Variants in SLC35F3 observed in about 807,000 individuals in gnomAD.
The protein encoded by SLC35F3 is solute carrier family 35 member F3.
SLC35F3 carries 25 observed loss-of-function variants against 49.9 expected under a neutral mutation model. That is an observed-to-expected ratio of 0.50 (90% CI 0.37 to 0.70). SLC35F3 has a LOEUF of 0.70. Among genes scored for constraint, SLC35F3 ranks in the 30% least tolerant of loss-of-function variants. SLC35F3 has a pLI of 0.00. For synonymous variants in SLC35F3, 275 were observed against 265.4 expected (o/e 1.04, Z -0.35); for missense variants, 525 against 639.8 (o/e 0.82, Z 1.94).
intron 2 of SLC35F3, among the ~76,000 whole-genome samples, chr1:234,088,600 G>A (rs73106435): frequency 0.011 from 1,654 of 152,198 alleles, 35 homozygotes; most frequent in African/African-American, 0.038. Context: ...TAGAAGTACC[G>A]AATTAAAATA....
chr1:233,986,990 CT>C (rs1367344365), intron 2 of SLC35F3, among the ~76,000 whole-genome samples: 2 of 152,146 alleles, frequency 1.3e-5, no homozygotes, highest in African/African-American at 2.4e-5. Flanking sequence ...TCATTAGCAG[CT>C]TCAGAAATGA....
chr1:234,129,506 T>C (rs1319076228), intron 2 of SLC35F3, among the ~76,000 whole-genome samples: 2 of 152,212 alleles, frequency 1.3e-5, no homozygotes, highest in African/African-American at 2.4e-5. Flanking sequence ...CATTTAGATG[T>C]CACTTCCCCA....
chr1:234,271,079 C>T (rs1668095316), intron 3 of SLC35F3, among the ~76,000 whole-genome samples: 1 of 152,198 alleles, frequency 6.6e-6, no homozygotes, highest in African/African-American at 2.4e-5. Context: ...CTAAAGAACC[C>T]ATTTCCTGTG....
intron 2 of SLC35F3, among the ~76,000 whole-genome samples, chr1:234,120,900 A>T (rs1665560625): frequency 6.6e-6 from 1 of 152,056 alleles, no homozygotes; most frequent in Non-Finnish European, 1.5e-5. Flanking sequence ...ATCAATTCTC[A>T]CTAATGCCTT....
At chr1:234,300,903 T>C (rs1479556791) in intron 3 of SLC35F3, among the ~76,000 whole-genome samples, 1 of 152,242 alleles carries the variant, frequency 6.6e-6, no homozygotes, top group African/African-American at 2.4e-5. Flanking sequence ...GCCAGGGTAC[T>C]GACCATGAGA....
At chr1:234,313,100 C>A (rs1485319803) in intron 4 of SLC35F3, among the ~76,000 whole-genome samples, 4 of 152,166 alleles carry the variant, frequency 2.6e-5, no homozygotes, top group African/African-American at 9.7e-5. Context: ...TGGTCTTGAA[C>A]TTGTGGGCCC....
chr1:234,256,162 T>C (rs1002374172), intron 3 of SLC35F3, among the ~76,000 whole-genome samples: 1 of 152,226 alleles, frequency 6.6e-6, no homozygotes, highest in Non-Finnish European at 1.5e-5. Context: ...ATTGGAACTT[T>C]TGAAAAATGA....
At chr1:233,970,170 C>G (rs1662969690) in intron 2 of SLC35F3, among the ~76,000 whole-genome samples, 1 of 152,230 alleles carries the variant, frequency 6.6e-6, no homozygotes, top group Non-Finnish European at 1.5e-5. Context: ...ACACCTGGGA[C>G]TGGTGCACCA....
chr1:234,169,444 T>G (rs1462400774), intron 2 of SLC35F3, among the ~76,000 whole-genome samples: 1 of 152,164 alleles, frequency 6.6e-6, no homozygotes, highest in Non-Finnish European at 1.5e-5. Context: ...CGTTCCCGGC[T>G]GTGGGCTCCC....
intron 2 of SLC35F3, among the ~76,000 whole-genome samples, chr1:234,067,662 A>T (rs1007005216): frequency 2.0e-5 from 3 of 152,212 alleles, no homozygotes; most frequent in African/African-American, 7.2e-5. Context: ...TGGCAAAGAG[A>T]GTCCCAGCCA....
At chr1:234,190,599 T>G (rs1235346105) in intron 2 of SLC35F3, among the ~76,000 whole-genome samples, 2 of 152,118 alleles carry the variant, frequency 1.3e-5, no homozygotes, top group East Asian at 1.9e-4. Flanking sequence ...AGAAATGGGA[T>G]AGCAACACAA....
intron 2 of SLC35F3, among the ~76,000 whole-genome samples, chr1:234,209,804 C>T (rs1572096017): frequency 6.6e-6 from 1 of 152,002 alleles, no homozygotes; most frequent in Non-Finnish European, 1.5e-5. Context: ...GTGATGACCT[C>T]CCAAATATCA....
intron 4 of SLC35F3, among the ~76,000 whole-genome samples, chr1:234,313,374 C>T (rs748948931): frequency 5.3e-5 from 8 of 152,120 alleles, no homozygotes; most frequent in Non-Finnish European, 1.0e-4. Context: ...GGCCTGGGTG[C>T]GTGGGACTCA....
chr1:234,261,094 G>C (rs1270773041), intron 3 of SLC35F3, among the ~76,000 whole-genome samples: 1 of 152,142 alleles, frequency 6.6e-6, no homozygotes, highest in Non-Finnish European at 1.5e-5. Context: ...AGTGGGGCTT[G>C]TTGGTGGCAA....
intron 2 of SLC35F3, among the ~76,000 whole-genome samples, chr1:234,187,633 G>T (rs1385078226): frequency 6.6e-6 from 1 of 152,184 alleles, no homozygotes; most frequent in Non-Finnish European, 1.5e-5. Context: ...GCCCATGAAC[G>T]CGTGCCCTCA....
At chr1:234,041,251 G>A (rs542039672) in intron 2 of SLC35F3, among the ~76,000 whole-genome samples, 1 of 152,246 alleles carries the variant, frequency 6.6e-6, no homozygotes, top group Admixed American at 6.5e-5. Flanking sequence ...TCCTGTCACT[G>A]TGTGACAGTG....
intron 2 of SLC35F3, among the ~76,000 whole-genome samples, chr1:234,109,905 A>G (rs1055911167): frequency 6.6e-6 from 1 of 152,184 alleles, no homozygotes; most frequent in Non-Finnish European, 1.5e-5. Context: ...GTGTGGCGAG[A>G]TGCCATGGCC....
At chr1:233,949,928 G>C (rs1435202501) in intron 2 of SLC35F3, among the ~76,000 whole-genome samples, 1 of 152,110 alleles carries the variant, frequency 6.6e-6, no homozygotes, top group Non-Finnish European at 1.5e-5. Flanking sequence ...ACAGCAAACA[G>C]CTAAGATGTT....
At chr1:234,101,911 G>A (rs1372922355) in intron 2 of SLC35F3, among the ~76,000 whole-genome samples, 1 of 152,132 alleles carries the variant, frequency 6.6e-6, no homozygotes, top group Non-Finnish European at 1.5e-5. Flanking sequence ...CTTAAAATAG[G>A]CCACAGGCAT....
Sources: gnomAD v4.1 joint callset for allele counts (sites outside exome capture counted in the v4.1 genomes callset) on GRCh38, gnomAD v4.1.1 for gene constraint, MANE v1.5 for transcripts, NCBI Gene and HGNC (gene_info 2026-07-23, HGNC 2026-07-21) for gene names.